Variants in SHISA5 observed in about 807,000 individuals in gnomAD.
SHISA5 encodes the protein protein shisa-5.
SHISA5 carries 21 observed loss-of-function variants against 27.5 expected under a neutral mutation model. The ratio of observed to expected loss-of-function variants is 0.76; its 90% CI spans 0.54 to 1.10. The LOEUF is 1.10. Ranked by LOEUF, SHISA5 falls within the 50% of genes least tolerant of loss-of-function variation. The probability of loss-of-function intolerance (pLI) is 0.00; values close to 1 mark genes in which losing one functional copy is unlikely to be tolerated. For missense variants in SHISA5, 314 were observed against 336.3 expected, an observed-to-expected ratio of 0.93 and a Z score of 0.52; for synonymous variants, 137 against 142.2, an observed-to-expected ratio of 0.96 and a Z score of 0.26.
Position 48,493,020 on chromosome 3 carries a change from T to C in SHISA5, c.233+8117A>G, listed in dbSNP as rs1252262883. On this transcript the variant is annotated intron_variant, in intron 2 of 5. Coordinates refer to ENST00000296444, the MANE Select transcript of SHISA5 (RefSeq NM_016479.6). ...TTTCCTAAAAGCAGTCTGAATGGAC[T>C]AAAACACATGAAACTTTCCTCATGT... Among the ~76,000 whole-genome samples the C allele has an allele frequency of 1.1e-4, 17 of 147,916 alleles. 2 individuals are homozygous for C. Among genetic ancestry groups the C allele is most frequent in the African/African-American group, 4.5e-4 (17 of 37,594 alleles).
rs543190541 is a variant in SHISA5 at position 48,468,908 on chromosome 3, C to T, written c.*199G>A. On this transcript the variant is annotated 3_prime_UTR_variant, in exon 6 of 6. Coordinates refer to ENST00000296444, the MANE Select transcript of SHISA5 (RefSeq NM_016479.6). ...GAGAACAAAGTCTGGTCCCAGCCCACTCTGGCAAGGATTGTTCCCCACCTT... is the reference window on the plus strand; with the variant it reads ...GAGAACAAAGTCTGGTCCCAGCCCATTCTGGCAAGGATTGTTCCCCACCTT... The T allele has an allele frequency of 6.0e-5, 92 of 1,540,012 alleles. No homozygotes were observed. The African/African-American group carries it at 1.2e-3, about 19-fold the overall frequency.
intron 2 of SHISA5, among the ~76,000 whole-genome samples, chr3:48,486,414 T>C (rs13063000): frequency 1.1e-5 from 1 of 94,212 alleles, no homozygotes; most frequent in Non-Finnish European, 1.8e-5. Flanking sequence ...ATAATATATA[T>C]TATATATTAT....
intron 3 of SHISA5, chr3:48,476,794 G>A (rs374908391): frequency 2.6e-5 from 6 of 226,642 alleles, no homozygotes; most frequent in African/African-American, 9.4e-5. Context: ...CATGAGGCGC[G>A]GGAGGGGGAG....
chr3:48,479,074 C>G, intron 3 of SHISA5, 103 bp downstream of exon 3: 1 of 1,058,260 alleles, frequency 9.4e-7, no homozygotes, highest in East Asian at 2.6e-5. Context: ...GGGCTCCACC[C>G]CAATGACCGA....
At position 48,468,914 on chromosome 3, in the gene SHISA5, C is replaced by A. The variant is rs1364767262; in HGVS notation, c.*193G>T. The A allele has an allele frequency of 1.3e-6, 2 of 1,541,982 alleles. No individual in the cohort carries two copies. Among genetic ancestry groups the A allele is most frequent in the Non-Finnish European group, 1.7e-6 (2 of 1,150,218 alleles). Reference sequence around the variant, plus strand: ...AAAGTCTGGTCCCAGCCCACTCTGGCAAGGATTGTTCCCCACCTTGTCAGC... The same window carrying A: ...AAAGTCTGGTCCCAGCCCACTCTGGAAAGGATTGTTCCCCACCTTGTCAGC... On this transcript the variant is annotated 3_prime_UTR_variant, in exon 6 of 6. Coordinates refer to ENST00000296444, the MANE Select transcript of SHISA5 (RefSeq NM_016479.6).
At chr3:48,482,654 GAC>G (rs1491517874) in intron 2 of SHISA5, among the ~76,000 whole-genome samples, 1 of 150,046 alleles carries the variant, frequency 6.7e-6, no homozygotes, top group Admixed American at 6.6e-5. Flanking sequence ...TTTTTTTTGA[GAC>G]AGAGTCTCGT....
chr3:48,498,588 G>A (rs529406244), intron 2 of SHISA5, among the ~76,000 whole-genome samples: 1 of 151,268 alleles, frequency 6.6e-6, no homozygotes, highest in African/African-American at 2.4e-5. Flanking sequence ...ATGGGAAGCT[G>A]AGGCAGGATA....
At chr3:48,472,106 C>G (rs2040651385) in intron 3 of SHISA5, among the ~76,000 whole-genome samples, 1 of 151,894 alleles carries the variant, frequency 6.6e-6, no homozygotes, top group Non-Finnish European at 1.5e-5. Flanking sequence ...TCGCTTGAAC[C>G]AAGGAGGGAG....
At chr3:48,503,768 A>AC (rs1045520296) in intron 1 of SHISA5, 28 of 1,237,096 alleles carry the variant, frequency 2.3e-5, no homozygotes, top group Non-Finnish European at 2.8e-5. Flanking sequence ...GGGAGGGCAG[A>AC]CCCCTCCCCA....
At chr3:48,478,582 C>T (rs1454547579) in intron 3 of SHISA5, among the ~76,000 whole-genome samples, 1 of 152,078 alleles carries the variant, frequency 6.6e-6, no homozygotes, top group African/African-American at 2.4e-5. Context: ...TAACACAGGC[C>T]GGAGCCCAGC....
chr3:48,478,008 C>T (rs188003589), intron 3 of SHISA5, among the ~76,000 whole-genome samples: 4 of 152,220 alleles, frequency 2.6e-5, no homozygotes, highest in South Asian at 4.1e-4. Flanking sequence ...AAACTCCATT[C>T]GGTCCCCAGC....
At chr3:48,474,526 G>A (rs1272653624) in intron 3 of SHISA5, among the ~76,000 whole-genome samples, 1 of 151,718 alleles carries the variant, frequency 6.6e-6, no homozygotes, top group Non-Finnish European at 1.5e-5. Context: ...TAGTAGAGAT[G>A]GGGTTTCACC....
chr3:48,477,602 C>T (rs1295454033), intron 3 of SHISA5, among the ~76,000 whole-genome samples: 2 of 152,174 alleles, frequency 1.3e-5, no homozygotes, highest in East Asian at 3.8e-4. Context: ...CCATTCACGG[C>T]TAAAACTCTC....
chr3:48,498,622 G>T (rs2041643013), intron 2 of SHISA5, among the ~76,000 whole-genome samples: 1 of 150,564 alleles, frequency 6.6e-6, no homozygotes, highest in Admixed American at 6.6e-5. Context: ...GGCAGGTGGA[G>T]GTTGCCGTGA....
In SHISA5 at chr3:48,468,698, CAGAA is replaced by C. The variant is rs1203582416; in HGVS notation, c.*405_*408del. On this transcript the variant is annotated 3_prime_UTR_variant, in exon 6 of 6. Transcript: ENST00000296444. ...GAAACCAGGACACATCTGCATCACA[CAGAA>C]AGCTGCGCCACCCTGGTGTGACAGG... 4.0e-6 allele frequency: 5 copies of C among 1,265,030 alleles called. No individual in the cohort carries two copies. The East Asian group carries it at 1.6e-4, about 40-fold the overall frequency. The allele number at this position is 1,265,030 out of a possible 1,614,324, so 78.4% of individuals were successfully genotyped here. A position where few individuals can be genotyped will look rare whatever the true frequency, so the allele number is the denominator to read the frequency against.
chr3:48,488,452 C>T (rs1478278320), intron 2 of SHISA5, among the ~76,000 whole-genome samples: 1 of 150,782 alleles, frequency 6.6e-6, no homozygotes, highest in Non-Finnish European at 1.5e-5. Flanking sequence ...TGGTCTTGAT[C>T]TCCTGACCTC....
intron 3 of SHISA5, among the ~76,000 whole-genome samples, chr3:48,478,779 A>G (rs1244732904): frequency 1.3e-5 from 2 of 151,966 alleles, no homozygotes; most frequent in Non-Finnish European, 2.9e-5. Context: ...CCCCATCACC[A>G]TCACCATTGT....
At chr3:48,471,969 G>A (rs998921189) in intron 3 of SHISA5, among the ~76,000 whole-genome samples, 4 of 151,834 alleles carry the variant, frequency 2.6e-5, no homozygotes, top group Non-Finnish European at 2.9e-5. Context: ...GATCGCTTGA[G>A]GTCAGGAGTT....
chr3:48,484,878 A>G (rs1314018251), intron 2 of SHISA5, among the ~76,000 whole-genome samples: 3 of 151,768 alleles, frequency 2.0e-5, no homozygotes, highest in Non-Finnish European at 4.4e-5. Context: ...GGGCAATGAG[A>G]GCAAAACTCC....
Sources: gnomAD v4.1 joint callset for allele counts (sites outside exome capture counted in the v4.1 genomes callset) on GRCh38, gnomAD v4.1.1 for gene constraint, MANE v1.5 for transcripts, NCBI Gene and HGNC (gene_info 2026-07-23, HGNC 2026-07-21) for gene names.